GPAM: variants seen among roughly 807,000 people sequenced by gnomAD.
GPAM encodes the protein glycerol-3-phosphate acyltransferase, mitochondrial.
Under a neutral mutation model 105.0 loss-of-function variants are expected in GPAM, and 56 were observed. The ratio of observed to expected loss-of-function variants is 0.53; its 90% CI spans 0.43 to 0.67. The LOEUF (loss-of-function observed/expected upper bound fraction) is 0.67, where lower values mean the gene tolerates loss of function less well. Ranked by LOEUF, GPAM falls within the 30% of genes least tolerant of loss-of-function variation. GPAM has a pLI of 0.00. For synonymous variants in GPAM, 368 were observed against 354.4 expected, an observed-to-expected ratio of 1.04 and a Z score of -0.43; for missense variants, 855 against 989.8, an observed-to-expected ratio of 0.86 and a Z score of 1.83.
At chr10:112,179,813 C>T (rs948245083) in intron 4 of GPAM, among the ~76,000 whole-genome samples, 9 of 152,180 alleles carry the variant, frequency 5.9e-5, no homozygotes, top group African/African-American at 2.2e-4. Context: ...CTACTGCCTT[C>T]AAACACAACT....
At chr10:112,155,022 G>C (rs1340970840) in intron 20 of GPAM, 1 of 400,040 alleles carries the variant, frequency 2.5e-6, no homozygotes, top group African/African-American at 2.0e-5. Context: ...AATCAAATGA[G>C]ATAGTGTATA....
intron 12 of GPAM, among the ~76,000 whole-genome samples, chr10:112,165,996 G>A (rs1847209440): frequency 6.6e-6 from 1 of 151,850 alleles, no homozygotes; most frequent in South Asian, 2.1e-4. Flanking sequence ...CAAACACTTA[G>A]CTTTTTGTGG....
chr10:112,226,582 G>A, the GPAM span, among the ~76,000 whole-genome samples: 2 of 152,116 alleles, frequency 1.3e-5, no homozygotes, highest in South Asian at 2.1e-4. Context: ...GGACCAGGGG[G>A]CCAACACTAG....
chr10:112,153,710 A>G (rs1177253071), intron 21 of GPAM, 44 bp from the exon 22 acceptor site: 2 of 1,598,348 alleles, frequency 1.3e-6, no homozygotes, highest in Admixed American at 1.7e-5. Flanking sequence ...AAAATAAAAA[A>G]TAAAAAAAAT....
Position 112,160,103 on chromosome 10 carries a change from A to G in GPAM, c.1760-50T>C, listed in dbSNP as rs1266511479. 3 of 1,580,486 alleles carry G rather than the reference A, an allele frequency of 1.9e-6. No homozygotes were observed. The South Asian group carries it at 3.3e-5, about 17-fold the overall frequency. The stretch of plus-strand genomic sequence containing the variant: ...AGTTGCCAGCTCAAAGTCTCCAAGA[A>G]AAACTTCAACTGGCTTGAATAACCT... On this transcript the variant is annotated intron_variant, in intron 16 of 21. Transcript: ENST00000348367.
chr10:112,203,323 G>C (rs956814548), intron 1 of GPAM, among the ~76,000 whole-genome samples: 5 of 152,164 alleles, frequency 3.3e-5, no homozygotes, highest in Admixed American at 2.0e-4. Flanking sequence ...ATAGCACACT[G>C]GTCTAACACC....
In GPAM at chr10:112,153,461, C is replaced by T. The variant is rs558718035; in HGVS notation, c.*89G>A. ...TCGGGACAGGGCAGGCCTGACCCTG[C>T]GATGGCACCTTCAACTCTTGAGCCA... On this transcript the variant is annotated 3_prime_UTR_variant, in exon 22 of 22. Coordinates refer to ENST00000348367, the MANE Select transcript of GPAM (RefSeq NM_001244949.2). 14 of 1,604,120 alleles carry T rather than the reference C, an allele frequency of 8.7e-6. No homozygotes were observed. The highest frequency in any genetic ancestry group is 1.7e-4 in the Middle Eastern group (1 of 5,764).
At chr10:112,208,552 A>G (rs533102180) in intron 1 of GPAM, among the ~76,000 whole-genome samples, 1 of 152,280 alleles carries the variant, frequency 6.6e-6, no homozygotes, top group African/African-American at 2.4e-5. Context: ...TGAATAGATC[A>G]ACTCTGCCAC....
intron 1 of GPAM, among the ~76,000 whole-genome samples, chr10:112,197,796 G>A (rs972210063): frequency 3.3e-5 from 5 of 151,752 alleles, no homozygotes; most frequent in African/African-American, 4.9e-5. Flanking sequence ...TTTCATCCAT[G>A]TCCCTACAAA....
At chr10:112,226,179 C>T in the GPAM span, among the ~76,000 whole-genome samples, 6 of 152,178 alleles carry the variant, frequency 3.9e-5, no homozygotes, top group Non-Finnish European at 7.3e-5. Context: ...TTTCCAATTG[C>T]TTCCTGATCT....
chr10:112,222,967 C>A, the GPAM span, among the ~76,000 whole-genome samples: 4 of 152,116 alleles, frequency 2.6e-5, no homozygotes, highest in African/African-American at 9.7e-5. Flanking sequence ...CCTGTTGACT[C>A]CACCATGCCA....
At chr10:112,194,791 C>A (rs143390690) in intron 1 of GPAM, among the ~76,000 whole-genome samples, 3 of 152,252 alleles carry the variant, frequency 2.0e-5, no homozygotes, top group Non-Finnish European at 4.4e-5. Context: ...TTTCTACCCC[C>A]CTAGATGTTT....
rs1231161848 is a variant in GPAM at position 112,173,855 on chromosome 10, A to C, written c.414-10T>G. ...AATTGCCTCTTGTACTCTGGTATGA[A>C]AATGGAAAAAGAGACAATGTAATTG... On this transcript the variant is annotated splice_polypyrimidine_tract_variant and intron_variant, in intron 6 of 21. Transcript: ENST00000348367. The C allele has an allele frequency of 1.2e-6, 2 of 1,605,906 alleles. No homozygotes were observed. Among genetic ancestry groups the C allele is most frequent in the Non-Finnish European group, 1.7e-6 (2 of 1,172,508 alleles).
In GPAM at chr10:112,167,317, A is replaced by T. The variant is rs113062996; in HGVS notation, c.1108-802T>A. Reference sequence around the variant, plus strand: ...AACTCTAACTGCTGACTGGAGTGGTAAGCTGGTAAAACCATTCTGATAAAG... The same window carrying T: ...AACTCTAACTGCTGACTGGAGTGGTTAGCTGGTAAAACCATTCTGATAAAG... On this transcript the variant is annotated intron_variant, in intron 11 of 21. Coordinates refer to ENST00000348367, the MANE Select transcript of GPAM (RefSeq NM_001244949.2). Among the ~76,000 whole-genome samples the T allele has an allele frequency of 3.4e-3, 515 of 152,324 alleles. 2 individuals carry two copies. Among genetic ancestry groups the T allele is most frequent in the African/African-American group, 0.012 (487 of 41,568 alleles).
chr10:112,176,738 A>G (rs1847411933), intron 5 of GPAM, among the ~76,000 whole-genome samples: 1 of 152,194 alleles, frequency 6.6e-6, no homozygotes, highest in Admixed American at 6.5e-5. Flanking sequence ...ACTGACTGAA[A>G]GCATTGTGTG....
chr10:112,192,321 A>G (rs1448392601), intron 1 of GPAM, among the ~76,000 whole-genome samples: 4 of 152,244 alleles, frequency 2.6e-5, no homozygotes, highest in Non-Finnish European at 1.5e-5. Context: ...TTCATGGTCT[A>G]ATGGCATATG....
intron 20 of GPAM, chr10:112,155,288 C>T (rs1846996143): frequency 6.0e-6 from 1 of 165,640 alleles, no homozygotes; most frequent in Admixed American, 5.7e-5. Context: ...CCAATCACAC[C>T]TCCTAAAACA....
At chr10:112,185,571 GACACACACACACACACACAC>G (rs55812271), upstream of GPAM, among the ~76,000 whole-genome samples, 736 of 143,538 alleles carry the variant, frequency 5.1e-3, 6 homozygotes, top group African/African-American at 0.012. Flanking sequence ...CACACACACA[GACACACACACACACACACAC>G]ACACACACAC....
At chr10:112,160,333 T>G (rs1589580649) in intron 16 of GPAM, 1 of 942,560 alleles carries the variant, frequency 1.1e-6, no homozygotes, top group Non-Finnish European at 1.3e-6. Context: ...TCTGTGTATG[T>G]CTCATCTCAG....
Sources: allele counts gnomAD v4.1 joint callset (sites outside exome capture counted in the v4.1 genomes callset), GRCh38; gene constraint gnomAD v4.1.1; transcripts MANE v1.5; gene names NCBI Gene and HGNC (gene_info 2026-07-23, HGNC 2026-07-21).